Variants in COL26A1 observed in about 807,000 individuals in gnomAD.
COL26A1 encodes collagen alpha-1(XXVI) chain.
Under a neutral mutation model 59.3 loss-of-function variants are expected in COL26A1, and 41 were observed. The observed-to-expected ratio is 0.69, with a 90% confidence interval of 0.54 to 0.90. The LOEUF is 0.90. COL26A1 is among the 40% of genes least tolerant of loss of function. COL26A1 has a pLI of 0.00. For synonymous variants in COL26A1, 266 were observed against 256.0 expected, an observed-to-expected ratio of 1.04 and a Z score of -0.37; for missense variants, 612 against 602.3, an observed-to-expected ratio of 1.02 and a Z score of -0.17.
intron 1 of COL26A1, among the ~76,000 whole-genome samples, chr7:101,407,921 C>T (rs73712156): frequency 0.016 from 2,372 of 152,252 alleles, 64 homozygotes; most frequent in African/African-American, 0.054. Context: ...ATTTGCATAC[C>T]ATTAAGATGG....
chr7:101,378,938 A>G (rs1487302961), intron 1 of COL26A1, among the ~76,000 whole-genome samples: 1 of 151,914 alleles, frequency 6.6e-6, no homozygotes, highest in Non-Finnish European at 1.5e-5. Context: ...CGGCCCCTGG[A>G]GGCGACCAGG....
At chr7:101,502,163 G>A (rs1217936682) in intron 3 of COL26A1, among the ~76,000 whole-genome samples, 1 of 152,142 alleles carries the variant, frequency 6.6e-6, no homozygotes, top group African/African-American at 2.4e-5. Context: ...CCAACAGGAC[G>A]AAACCTTGTC....
intron 3 of COL26A1, among the ~76,000 whole-genome samples, chr7:101,460,614 CTA>C (rs1554415288): frequency 6.6e-6 from 1 of 151,958 alleles, no homozygotes; most frequent in Non-Finnish European, 1.5e-5. Context: ...AAAATTGTCT[CTA>C]CTAAAAATAC....
chr7:101,383,339 T>TTTTTTA (rs1463582481), intron 1 of COL26A1, among the ~76,000 whole-genome samples: 1 of 151,914 alleles, frequency 6.6e-6, no homozygotes, highest in Non-Finnish European at 1.5e-5. Flanking sequence ...GAGAATTTTA[T>TTTTTTA]TTTTTATTTT....
chr7:101,557,308 A>G (rs986429140), intron 12 of COL26A1, 62 bp from the exon 13 acceptor site: 8 of 1,524,844 alleles, frequency 5.2e-6, no homozygotes, highest in Middle Eastern at 1.7e-4. Flanking sequence ...TATCATGATC[A>G]AATGTACCCC....
At chr7:101,407,797 A>AC (rs1038976204) in intron 1 of COL26A1, among the ~76,000 whole-genome samples, 1 of 152,104 alleles carries the variant, frequency 6.6e-6, no homozygotes, top group African/African-American at 2.4e-5. Context: ...CATGGCAATG[A>AC]CCTGATAACC....
At chr7:101,380,928 G>A (rs978801150) in intron 1 of COL26A1, among the ~76,000 whole-genome samples, 1 of 152,146 alleles carries the variant, frequency 6.6e-6, no homozygotes, top group East Asian at 1.9e-4. Flanking sequence ...CAGGGCAGTG[G>A]TCCTGTCTGG....
intron 1 of COL26A1, among the ~76,000 whole-genome samples, chr7:101,372,882 C>T (rs1313899130): frequency 6.6e-6 from 1 of 152,116 alleles, no homozygotes; most frequent in Non-Finnish European, 1.5e-5. Flanking sequence ...GTAGTCTCAG[C>T]TACTCAGGAG....
intron 4 of COL26A1, 85 bp downstream of exon 4, chr7:101,533,228 T>C: frequency 1.0e-6 from 1 of 983,590 alleles, no homozygotes; most frequent in South Asian, 1.4e-5. Flanking sequence ...CCACTGGGTG[T>C]GGCCGTGGAA....
intron 1 of COL26A1, among the ~76,000 whole-genome samples, chr7:101,377,558 G>A (rs940801759): frequency 1.3e-5 from 2 of 152,206 alleles, no homozygotes; most frequent in East Asian, 1.9e-4. Flanking sequence ...TCTCGAGTAG[G>A]TGGAACTATA....
chr7:101,428,926 C>CTTTTTT (rs530948608), intron 2 of COL26A1, among the ~76,000 whole-genome samples: 45 of 142,738 alleles, frequency 3.2e-4, no homozygotes, highest in Non-Finnish European at 4.9e-4. Flanking sequence ...TTCTTTCTTT[C>CTTTTTT]TTTTTTTTTT....
At chr7:101,555,686 G>T in intron 11 of COL26A1, 101 bp from the exon 12 acceptor site, 1 of 746,318 alleles carries the variant, frequency 1.3e-6, no homozygotes, top group Non-Finnish European at 2.2e-6. Context: ...GAAGAGGCAG[G>T]GGTGGGGGGC....
chr7:101,467,510 C>T (rs1793792464), intron 3 of COL26A1, among the ~76,000 whole-genome samples: 1 of 151,628 alleles, frequency 6.6e-6, no homozygotes, highest in African/African-American at 2.4e-5. Context: ...ATTGTGCAGA[C>T]GGGTTCTCTA....
rs796287195 is a variant in COL26A1 at position 101,471,567 on chromosome 7, G to GTTTTTTTTTT, written c.385+23783_385+23784insTTTTTTTTTT. Among the ~76,000 whole-genome samples, 46 of 112,412 alleles carry GTTTTTTTTTT rather than the reference G, an allele frequency of 4.1e-4. 1 individual carries two copies. Among genetic ancestry groups the GTTTTTTTTTT allele is most frequent in the African/African-American group, 1.5e-3 (42 of 28,434 alleles). 73.7% of individuals were successfully genotyped at this position (112,412 alleles called of 152,430 possible). A position where few individuals can be genotyped will look rare whatever the true frequency, so the allele number is the denominator to read the frequency against. ...ATAATGTTTTGTTGTTGTTGTTGTTGTTTGTTTTTTTTTTTTTTTTTTTTT... is the reference window on the plus strand; with the variant it reads ...ATAATGTTTTGTTGTTGTTGTTGTTGTTTTTTTTTTTTTGTTTTTTTTTTTTTTTTTTTTT... On this transcript the variant is annotated intron_variant, in intron 3 of 12. Coordinates refer to ENST00000313669, the MANE Select transcript of COL26A1 (RefSeq NM_001278563.3).
chr7:101,466,460 A>C (rs1222063445), intron 3 of COL26A1, among the ~76,000 whole-genome samples: 2 of 151,994 alleles, frequency 1.3e-5, no homozygotes, highest in African/African-American at 4.8e-5. Context: ...CCAGCACTTT[A>C]GGAGGCCAAG....
intron 1 of COL26A1, among the ~76,000 whole-genome samples, chr7:101,368,717 C>T (rs1339293039): frequency 6.6e-6 from 1 of 152,142 alleles, no homozygotes; most frequent in Non-Finnish European, 1.5e-5. Context: ...TGGGGATGTG[C>T]TTCGTCCTAA....
intron 3 of COL26A1, among the ~76,000 whole-genome samples, chr7:101,477,051 C>T (rs1794065048): frequency 1.3e-5 from 2 of 151,884 alleles, no homozygotes; most frequent in African/African-American, 4.8e-5. Flanking sequence ...ACCATGTTGG[C>T]CAGGCTGGTC....
intron 2 of COL26A1, among the ~76,000 whole-genome samples, chr7:101,433,722 G>A (rs544664011): frequency 3.2e-4 from 49 of 152,180 alleles, no homozygotes; most frequent in African/African-American, 9.6e-4. Context: ...AGGGTGGCTC[G>A]GAGAAAGAGG....
intron 3 of COL26A1, among the ~76,000 whole-genome samples, chr7:101,468,877 C>A (rs1328133478): frequency 6.6e-6 from 1 of 152,194 alleles, no homozygotes; most frequent in Non-Finnish European, 1.5e-5. Flanking sequence ...CCAGACCTGG[C>A]AGTTCCCAGG....
Sources: allele counts gnomAD v4.1 joint callset (sites outside exome capture counted in the v4.1 genomes callset), GRCh38; gene constraint gnomAD v4.1.1; transcripts MANE v1.5; gene names NCBI Gene and HGNC (gene_info 2026-07-23, HGNC 2026-07-21).